The following PPP6R2 variants were observed in gnomAD, a reference collection of about 807,000 sequenced individuals.
PPP6R2 encodes the protein protein phosphatase 6 regulatory subunit 2.
In PPP6R2, 62 loss-of-function variants were observed where a neutral mutation model predicts 100.2. The observed-to-expected ratio is 0.62, with a 90% CI of 0.50 to 0.76. PPP6R2 has a LOEUF of 0.76. PPP6R2 is among the 30% of genes least tolerant of loss of function. The pLI is 0.00. For missense variants in PPP6R2, 1,142 were observed against 1,276.3 expected, an observed-to-expected ratio of 0.89 and a Z score of 1.60; for synonymous variants, 525 against 514.7, an observed-to-expected ratio of 1.02 and a Z score of -0.27.
In PPP6R2 at chr22:50,432,246, C is replaced by G; in HGVS notation, c.1336-19C>G. On this transcript the variant is annotated intron_variant, in intron 11 of 23. Transcript: ENST00000612753. ...CCTTCAGACCCTGACTCACGCTGTC[C>G]CCCTGCCCCGCCCCCCAGCTGTTCC... 1.3e-6 allele frequency: 2 copies of G among 1,548,872 alleles called. No homozygotes were observed.
chr22:50,436,624 G>A (rs942351417), intron 14 of PPP6R2, among the ~76,000 whole-genome samples, 172 bp downstream of exon 14: 1 of 152,216 alleles, frequency 6.6e-6, no homozygotes, highest in Non-Finnish European at 1.5e-5. Context: ...GCTGATGTCC[G>A]TAACAGAGAC....
At position 50,343,557 on chromosome 22, in the gene PPP6R2, G is replaced by A. The variant is rs2147852223; in HGVS notation, c.-148+7G>A. On this transcript the variant is annotated splice_region_variant and intron_variant, in intron 1 of 23. Coordinates refer to ENST00000612753, the MANE Select transcript of PPP6R2 (RefSeq NM_001242898.2). ...CGCCCGGCCCGCAGGGCAGGTGAGT[G>A]CGGCCGCCCGCCGCTCAGACCCGGC... 6.6e-6 allele frequency: 1 copy of A among 152,352 alleles called. No individual in the cohort carries two copies. Among genetic ancestry groups the A allele is most frequent in the Non-Finnish European group, 1.5e-5 (1 of 68,104 alleles). The allele number at this position is 152,352 out of a possible 1,614,324, so 9.4% of individuals were successfully genotyped here.
At position 50,370,590 on chromosome 22, in the gene PPP6R2, C is replaced by T. The variant is rs367627453; in HGVS notation, c.-147-1430C>T. On this transcript the variant is annotated intron_variant, in intron 1 of 23. Transcript: ENST00000612753. ...GCGTGAGCCACCACGCCTGGCCACGCTATGTTTTAAAGAAAAAAGTTTAAA... is the reference window on the plus strand; with the variant it reads ...GCGTGAGCCACCACGCCTGGCCACGTTATGTTTTAAAGAAAAAAGTTTAAA... Among the ~76,000 whole-genome samples the T allele has an allele frequency of 4.0e-5, 6 of 150,462 alleles. No homozygotes were observed. The South Asian group carries it at 6.3e-4, about 16-fold the overall frequency.
chr22:50,375,574 GTTC>G (rs1483052170), intron 2 of PPP6R2, among the ~76,000 whole-genome samples: 1 of 152,016 alleles, frequency 6.6e-6, no homozygotes, highest in Non-Finnish European at 1.5e-5. Flanking sequence ...GCCTCACACC[GTTC>G]CTTGCCCTCA....
At position 50,431,383 on chromosome 22, in the gene PPP6R2, G is replaced by A. The variant is rs140236361; in HGVS notation, c.1335+1G>A. 3 of 1,611,086 alleles carry A rather than the reference G, an allele frequency of 1.9e-6. No individual in the cohort carries two copies. The African/African-American group carries it at 4.0e-5, about 22-fold the overall frequency. On this transcript the variant is annotated splice_donor_variant, in intron 11 of 23. Coordinates refer to ENST00000612753, the MANE Select transcript of PPP6R2 (RefSeq NM_001242898.2). LOFTEE classifies it high-confidence loss of function. The surrounding 1 kb of genome is among the most constrained non-coding windows in gnomAD (Gnocchi z 4.8). ...CCCTGACAACACAATGGTGACCCAC[G>A]TGAGTCCAAGAAGCATCCATCTTAT...
rs574036474 is a variant in PPP6R2, at chr22:50,370,475, G to C, written c.-147-1545G>C. ...GCTAATTTTTTGTGTTTTTAGTAGAGATGGGGTTTCACTATGTTGGCCAGA... is the reference window on the plus strand; with the variant it reads ...GCTAATTTTTTGTGTTTTTAGTAGACATGGGGTTTCACTATGTTGGCCAGA... On this transcript the variant is annotated intron_variant, in intron 1 of 23. Transcript: ENST00000612753. Among the ~76,000 whole-genome samples the C allele has an allele frequency of 4.6e-5, 7 of 151,618 alleles. 1 individual carries two copies. In the South Asian group the frequency reaches 1.5e-3, roughly 32 times the overall value.
chr22:50,339,197 GTT>G (rs2042339763), upstream of PPP6R2, among the ~76,000 whole-genome samples: 1 of 147,556 alleles, frequency 6.8e-6, no homozygotes, highest in African/African-American at 2.5e-5. Flanking sequence ...TGTAGTGTGT[GTT>G]GTATGTGGTG....
chr22:50,444,628 TG>T lies in PPP6R2; in HGVS notation c.*382del, dbSNP rs66609465. 27,727 of 223,544 alleles carry T rather than the reference TG, an allele frequency of 0.12. 1,812 individuals carry two copies. Among genetic ancestry groups the T allele is most frequent in the Middle Eastern group, 0.15 (91 of 610 alleles). 13.8% of individuals were successfully genotyped at this position (223,544 alleles called of 1,614,324 possible). ...GAGGCTGTTTTTACAGTTTTTTTTT[TG>T]TTGTTGTTTTGTTTTTAAAGAATAC... On this transcript the variant is annotated 3_prime_UTR_variant, in exon 24 of 24. Coordinates refer to ENST00000612753, the MANE Select transcript of PPP6R2 (RefSeq NM_001242898.2).
chr22:50,362,876 G>C (rs943987106), intron 1 of PPP6R2, among the ~76,000 whole-genome samples: 8 of 152,140 alleles, frequency 5.3e-5, no homozygotes, highest in Admixed American at 4.6e-4. Flanking sequence ...GAACTGTGAG[G>C]AATAATTGTC....
rs1275165900 is a variant in PPP6R2 at position 50,352,690 on chromosome 22, A to G, written c.-148+9140A>G. ...CAGTGAGCCAAGATCACGCCACTGC[A>G]CTCCAGCCTGGTGACAGAGCGAGAC... is the stretch of plus-strand genomic sequence containing the variant. On this transcript the variant is annotated intron_variant, in intron 1 of 23. Transcript: ENST00000612753. Among the ~76,000 whole-genome samples the G allele has an allele frequency of 2.0e-5, 3 of 151,362 alleles. No individual in the cohort carries two copies. In the Admixed American group the frequency reaches 2.0e-4, roughly 10 times the overall value.
intron 2 of PPP6R2, among the ~76,000 whole-genome samples, chr22:50,378,598 C>A (rs2052161524): frequency 6.6e-6 from 1 of 151,460 alleles, no homozygotes; most frequent in Admixed American, 6.6e-5. Flanking sequence ...AAAAAATTAT[C>A]TACTGTAGTT....
At chr22:50,349,363 C>CA (rs1225878624) in intron 1 of PPP6R2, among the ~76,000 whole-genome samples, 18,957 of 55,780 alleles carry the variant, frequency 0.34, 3,424 homozygotes, top group African/African-American at 0.53. Context: ...GACCCTGTCT[C>CA]AAAAAAAAAA....
chr22:50,356,150 G>C (rs1310921988), intron 1 of PPP6R2, among the ~76,000 whole-genome samples: 1 of 150,884 alleles, frequency 6.6e-6, no homozygotes, highest in East Asian at 2.0e-4. Context: ...TTTTTTAGTA[G>C]AGACGGGGTT....
intron 3 of PPP6R2, among the ~76,000 whole-genome samples, chr22:50,404,485 G>A (rs1336183198): frequency 6.6e-6 from 1 of 151,706 alleles, no homozygotes; most frequent in African/African-American, 2.4e-5. Flanking sequence ...CTGCCTCCCG[G>A]GCTCAAGCCA....
At chr22:50,362,046 G>A (rs1028367937) in intron 1 of PPP6R2, among the ~76,000 whole-genome samples, 1 of 152,208 alleles carries the variant, frequency 6.6e-6, no homozygotes, top group Non-Finnish European at 1.5e-5. Flanking sequence ...GACCTTTGTG[G>A]TCAGGGACTG....
chr22:50,357,424 C>A (rs189362664), intron 1 of PPP6R2, among the ~76,000 whole-genome samples: 1 of 150,006 alleles, frequency 6.7e-6, no homozygotes, highest in East Asian at 1.9e-4. Context: ...TCTTTCTTTT[C>A]TTTTCTTTTT....
rs767481709 is a variant in PPP6R2, at chr22:50,393,961, A to T, written c.53A>T (p.Asp18Val). Reference sequence around the variant, plus strand: ...ACGTCCCATGTTGACAAGCTGCTGGACAAGGAGCATGTGACGCTGCAGGAG... The same window carrying T: ...ACGTCCCATGTTGACAAGCTGCTGGTCAAGGAGCATGTGACGCTGCAGGAG... Reference protein sequence around the residue: ...NTTSHVDKLLDKEHVTLQELM... With the variant: ...NTTSHVDKLLVKEHVTLQELM... The change falls in exon 3 of 24, where the codon GAC (aspartate) becomes GTC (valine). Residue 18 changes from aspartate to valine, a missense_variant. By Grantham distance (152) the Asp-to-Val change is radical. Transcript: ENST00000612753. The T allele has an allele frequency of 3.3e-5, 54 of 1,614,120 alleles. No individual in the cohort carries two copies. The highest frequency in any genetic ancestry group is 4.5e-5 in the Non-Finnish European group (53 of 1,180,048).
At chr22:50,420,648 C>T (rs1044952841) in intron 8 of PPP6R2, among the ~76,000 whole-genome samples, 2 of 152,212 alleles carry the variant, frequency 1.3e-5, no homozygotes, top group Non-Finnish European at 2.9e-5. Context: ...AAAGAGGATG[C>T]CCATGAGGCG....
intron 8 of PPP6R2, among the ~76,000 whole-genome samples, chr22:50,419,862 A>G (rs2061071383): frequency 6.6e-6 from 1 of 152,232 alleles, no homozygotes; most frequent in African/African-American, 2.4e-5. Context: ...TCCCATGCAG[A>G]CTGGCCCTCA....
Sources: gnomAD v4.1 joint callset for allele counts (sites outside exome capture counted in the v4.1 genomes callset) on GRCh38, gnomAD v4.1.1 for gene constraint, Gnocchi (gnomAD v3.1) non-coding constraint, MANE v1.5 for transcripts, NCBI Gene and HGNC (gene_info 2026-07-23, HGNC 2026-07-21) for gene names.